The following CHPT1 variants were observed in gnomAD, a reference collection of about 807,000 sequenced individuals.
CHPT1 encodes choline phosphotransferase 1, also known as cholinephosphotransferase 1.
A neutral mutation model predicts 47.6 loss-of-function variants in CHPT1; 36 were observed. That is an observed-to-expected ratio of 0.76 (90% confidence interval 0.58 to 1.00). CHPT1 has a LOEUF of 1.00. Among genes scored for constraint, CHPT1 ranks in the 50% least tolerant of loss-of-function variants. The pLI, the probability that CHPT1 is intolerant of heterozygous loss-of-function variation, is 0.00. For missense variants in CHPT1, 458 were observed against 498.1 expected (o/e 0.92, Z 0.77); for synonymous variants, 194 against 186.3 (o/e 1.04, Z -0.33).
chr12:101,724,179 A>G (rs1951904722), intron 7 of CHPT1, among the ~76,000 whole-genome samples: 1 of 150,864 alleles, frequency 6.6e-6, no homozygotes, highest in Non-Finnish European at 1.5e-5. Context: ...AGATCATGCC[A>G]CTGCACTCCA....
chr12:101,698,628 A>G (rs993388101), intron 1 of CHPT1, among the ~76,000 whole-genome samples: 5 of 152,382 alleles, frequency 3.3e-5, no homozygotes, highest in Admixed American at 2.0e-4. Flanking sequence ...AATGACCGGT[A>G]GCACTGATCA....
In CHPT1 at chr12:101,698,014, C is replaced by G; in HGVS notation, c.153C>G (p.Thr51=). ...AGCCGCCGCTGCAGCTCTACTGGAC[C>G]TGGCTGCTCCAGTGGATCCCGCTCT... ...LLEPPLQLYW[T]WLLQWIPLWM... is the part of the protein sequence containing the mutation. The change falls in exon 1 of 9, where the codon ACC becomes ACG. Residue 51 remains threonine, a synonymous_variant. Transcript: ENST00000229266. 6.3e-7 allele frequency: 1 copy of G among 1,578,428 alleles called. No homozygotes were observed.
Position 101,729,007 on chromosome 12 carries a change from A to G in CHPT1, c.*62A>G, listed in dbSNP as rs1566047858. 2 of 1,613,278 alleles carry G rather than the reference A, an allele frequency of 1.2e-6. No homozygotes were observed. The highest frequency in any genetic ancestry group is 1.3e-5 in the African/African-American group (1 of 75,022). ...TGTTTCATGGAAGGAGATATTAAAC[A>G]TTTGTTTAATTTTTATTTAAGTGTT... On this transcript the variant is annotated 3_prime_UTR_variant, in exon 9 of 9. Coordinates refer to ENST00000229266, the MANE Select transcript of CHPT1 (RefSeq NM_020244.3).
intron 1 of CHPT1, among the ~76,000 whole-genome samples, chr12:101,701,219 CCTT>C (rs1160617150): frequency 7.9e-5 from 12 of 152,164 alleles, no homozygotes; most frequent in African/African-American, 2.9e-4. Context: ...GGATTTCTCT[CCTT>C]CTTATCCCTC....
chr12:101,717,447 GAAT>G (rs1195348036), intron 4 of CHPT1: 8 of 338,606 alleles, frequency 2.4e-5, no homozygotes, highest in East Asian at 7.5e-5. Context: ...ATAGTGTTAA[GAAT>G]AATAATAATA....
At chr12:101,723,014 G>A (rs3764973) in intron 5 of CHPT1, among the ~76,000 whole-genome samples, 154 bp from the exon 6 acceptor site, 62,329 of 151,964 alleles carry the variant, frequency 0.41, 12,849 homozygotes, top group African/African-American at 0.46. Context: ...TGAAACCTTG[G>A]AAAGCACAAC....
chr12:101,721,741 T>G (rs1286084696), intron 5 of CHPT1, among the ~76,000 whole-genome samples: 9 of 152,198 alleles, frequency 5.9e-5, no homozygotes, highest in Non-Finnish European at 1.5e-5. Flanking sequence ...GAAAACAAGA[T>G]GTAGTAATGA....
intron 5 of CHPT1, among the ~76,000 whole-genome samples, chr12:101,721,408 GAT>G (rs983790116): frequency 6.6e-6 from 1 of 152,010 alleles, no homozygotes; most frequent in East Asian, 1.9e-4. Context: ...GGTCTAATAA[GAT>G]ATTAAACATT....
intron 1 of CHPT1, among the ~76,000 whole-genome samples, chr12:101,698,453 C>T (rs1342287529): frequency 1.3e-5 from 2 of 152,258 alleles, no homozygotes; most frequent in Admixed American, 6.5e-5. Flanking sequence ...CTATCCCATG[C>T]GGCGCCAACC....
intron 1 of CHPT1, among the ~76,000 whole-genome samples, chr12:101,707,846 C>A (rs1161744205): frequency 2.6e-5 from 4 of 152,120 alleles, no homozygotes; most frequent in Non-Finnish European, 5.9e-5. Context: ...CCTCTCTCAC[C>A]TCAATCTTTC....
At chr12:101,723,426 G>A (rs981869008) in intron 6 of CHPT1, 100 bp downstream of exon 6, 1 of 771,506 alleles carries the variant, frequency 1.3e-6, no homozygotes, top group African/African-American at 1.8e-5. Flanking sequence ...CTTTTGTAGT[G>A]TAAAATCATA....
Position 101,714,567 on chromosome 12 carries a change from T to C in CHPT1, c.485T>C (p.Phe162Ser), listed in dbSNP as rs3205421. 456,334 of 1,612,028 alleles carry C rather than the reference T, an allele frequency of 0.28. 66,682 individuals are homozygous for C. The highest frequency in any genetic ancestry group is 0.33 in the East Asian group (14,574 of 44,664). Reference sequence around the variant, plus strand: ...GGAACTTATCCTGACTGGTTTTTTTTCTGCTCTTTTATTGGGATGTTTGTG... The same window carrying C: ...GGAACTTATCCTGACTGGTTTTTTTCCTGCTCTTTTATTGGGATGTTTGTG... ...RLGTYPDWFF[F>S]CSFIGMFVFY... is the part of the protein sequence containing the mutation. Residue 162 changes from phenylalanine (F) to serine (S), a missense_variant, in exon 3 of 9, where the codon TTC (phenylalanine) becomes TCC (serine). Transcript: ENST00000229266.
chr12:101,699,233 G>A (rs184593599), intron 1 of CHPT1, among the ~76,000 whole-genome samples: 67 of 152,096 alleles, frequency 4.4e-4, no homozygotes, highest in Non-Finnish European at 7.5e-4. Context: ...GATTACAGGC[G>A]CGTGCCACCA....
At chr12:101,715,781 T>C (rs1951755499) in intron 3 of CHPT1, among the ~76,000 whole-genome samples, 1 of 152,096 alleles carries the variant, frequency 6.6e-6, no homozygotes, top group South Asian at 2.1e-4. Flanking sequence ...ATTTAAGATA[T>C]GAATGAAGAG....
intron 1 of CHPT1, among the ~76,000 whole-genome samples, chr12:101,698,358 G>A (rs1172551866): frequency 6.6e-6 from 1 of 152,220 alleles, no homozygotes; most frequent in African/African-American, 2.4e-5. Context: ...CAGCGGAGGG[G>A]CTGTTAAGGT....
intron 1 of CHPT1, among the ~76,000 whole-genome samples, chr12:101,702,214 A>C (rs2036703822): frequency 2.0e-5 from 3 of 152,128 alleles, no homozygotes; most frequent in Admixed American, 6.6e-5. Flanking sequence ...AACTCCATGC[A>C]CTTGTGTTTG....
chr12:101,717,730 A>G (rs1177452627), intron 4 of CHPT1, among the ~76,000 whole-genome samples: 1 of 152,206 alleles, frequency 6.6e-6, no homozygotes, highest in Non-Finnish European at 1.5e-5. Context: ...ATACAAAACT[A>G]AACATAGTTT....
chr12:101,715,737 C>G (rs756774055), intron 3 of CHPT1, among the ~76,000 whole-genome samples: 9 of 151,988 alleles, frequency 5.9e-5, no homozygotes, highest in Admixed American at 1.3e-4. Context: ...TGTTCATAGA[C>G]TATAAGAATT....
At chr12:101,723,357 T>C (rs773810161) in intron 6 of CHPT1, 31 bp downstream of exon 6, 4 of 1,282,356 alleles carry the variant, frequency 3.1e-6, no homozygotes, top group Non-Finnish European at 4.4e-6. Context: ...ATGATATAAA[T>C]AATATACTTA....
Sources: allele counts gnomAD v4.1 joint callset (sites outside exome capture counted in the v4.1 genomes callset), GRCh38; gene constraint gnomAD v4.1.1; transcripts MANE v1.5; gene names NCBI Gene and HGNC (gene_info 2026-07-23, HGNC 2026-07-21).